The following GPC1 variants were observed in gnomAD, a reference collection of about 807,000 sequenced individuals.
The protein encoded by GPC1 is glypican 1.
A neutral mutation model predicts 51.5 loss-of-function variants in GPC1; 26 were observed. The observed-to-expected ratio is 0.50, with a 90% CI of 0.37 to 0.70. The LOEUF (loss-of-function observed/expected upper bound fraction) is 0.70, where lower values mean the gene tolerates loss of function less well. Ranked by LOEUF, GPC1 falls within the 30% of genes least tolerant of loss-of-function variation. The pLI is 0.00. For missense variants in GPC1, 775 were observed against 800.5 expected (o/e 0.97, Z 0.38); for synonymous variants, 380 against 348.3 (o/e 1.09, Z -1.01).
rs1175505320 is a variant in GPC1 at position 240,465,712 on chromosome 2, G to C, written c.1444+64G>C. ...GTTGGTGGGGGTGCCACAGGGGTGT[G>C]ACTGCCCTCCGGGTTCCCCCACCCG... is the stretch of plus-strand genomic sequence containing the variant. On this transcript the variant is annotated intron_variant, in intron 8 of 8. Coordinates refer to ENST00000264039, the MANE Select transcript of GPC1 (RefSeq NM_002081.3). The C allele has an allele frequency of 2.1e-6, 3 of 1,424,706 alleles. No individual in the cohort carries two copies. In the African/African-American group the frequency reaches 4.2e-5, roughly 20 times the overall value. 88.3% of individuals were successfully genotyped at this position (1,424,706 alleles called of 1,614,324 possible).
chr2:240,437,458 C>G (rs1331234327), intron 1 of GPC1, among the ~76,000 whole-genome samples: 1 of 152,182 alleles, frequency 6.6e-6, no homozygotes, highest in Non-Finnish European at 1.5e-5. Context: ...CCCTCCCCAC[C>G]AGCCTGAGGT....
chr2:240,443,838 T>C (rs1328626728), intron 1 of GPC1, among the ~76,000 whole-genome samples: 1 of 152,196 alleles, frequency 6.6e-6, no homozygotes, highest in Admixed American at 6.5e-5. Context: ...GTGGGCTGAA[T>C]ACCACTTAGT....
At chr2:240,463,803 C>T (rs772742312) in intron 4 of GPC1, 5 of 478,444 alleles carry the variant, frequency 1.0e-5, no homozygotes, top group African/African-American at 3.9e-5. Flanking sequence ...CATGCCAACA[C>T]GTGTGACTCA....
chr2:240,463,331 G>A lies in GPC1; in HGVS notation c.718-16G>A, dbSNP rs1045552425. 1 of 1,611,342 alleles carries A rather than the reference G, an allele frequency of 6.2e-7. No homozygotes were observed. The highest frequency in any genetic ancestry group is 8.5e-7 in the Non-Finnish European group (1 of 1,179,080). On this transcript the variant is annotated splice_polypyrimidine_tract_variant and intron_variant, in intron 3 of 8. Transcript: ENST00000264039. The stretch of plus-strand genomic sequence containing the variant: ...CCAGGGCCTCGGGGCCTGGCTTAGG[G>A]TCCCTTGCTCCCCAGGTCCCCCTGG...
chr2:240,455,315 G>C (rs910094246), intron 1 of GPC1, among the ~76,000 whole-genome samples: 6 of 152,226 alleles, frequency 3.9e-5, no homozygotes, highest in African/African-American at 1.4e-4. Flanking sequence ...CGCTGTGGAA[G>C]GATGGGTCGG....
intron 8 of GPC1, 116 bp downstream of exon 8, chr2:240,465,764 C>T: frequency 1.2e-6 from 1 of 856,056 alleles, no homozygotes; most frequent in South Asian, 1.6e-5. Flanking sequence ...GGCATCACCA[C>T]AGTGAGTCTG....
chr2:240,447,221 CGTA>C lies in GPC1; in HGVS notation c.166+11139_166+11141del, dbSNP rs2074056098. Among the ~76,000 whole-genome samples, 5 of 152,214 alleles carry C rather than the reference CGTA, an allele frequency of 3.3e-5. No homozygotes were observed. The South Asian group carries it at 1.0e-3, about 32-fold the overall frequency. ...GAGGTCTGAGTCGAAATTGAGGTGT[CGTA>C]GATGACCCCCATGTTCGTTCCTCCC... On this transcript the variant is annotated intron_variant, in intron 1 of 8. Transcript: ENST00000264039.
chr2:240,449,780 CT>C (rs1255296729), intron 1 of GPC1: 1 of 463,708 alleles, frequency 2.2e-6, no homozygotes, highest in Admixed American at 2.3e-5. Flanking sequence ...CTCTAGGGAC[CT>C]CACATAAGTC....
chr2:240,444,507 C>T (rs1386222566), intron 1 of GPC1, among the ~76,000 whole-genome samples: 1 of 152,218 alleles, frequency 6.6e-6, no homozygotes, highest in Non-Finnish European at 1.5e-5. Flanking sequence ...AGCACGTCTC[C>T]CTCCTGGGAA....
intron 1 of GPC1, chr2:240,450,393 G>A (rs1444071242): frequency 5.7e-6 from 2 of 348,472 alleles, no homozygotes; most frequent in East Asian, 7.8e-5. Context: ...GGGAGGCGGG[G>A]GATGCTAAGG....
intron 2 of GPC1, among the ~76,000 whole-genome samples, chr2:240,459,870 G>A (rs2074202189): frequency 6.6e-6 from 1 of 152,142 alleles, no homozygotes; most frequent in Admixed American, 6.5e-5. Context: ...AGTGACCTCT[G>A]ATCAGAAACA....
intron 1 of GPC1, among the ~76,000 whole-genome samples, chr2:240,438,048 T>C (rs2073994844): frequency 6.6e-6 from 1 of 152,150 alleles, no homozygotes; most frequent in African/African-American, 2.4e-5. Context: ...TTGATTTCTC[T>C]GTGTCTGATG....
chr2:240,460,170 A>G (rs2151795651), intron 2 of GPC1, among the ~76,000 whole-genome samples: 1 of 152,168 alleles, frequency 6.6e-6, no homozygotes, highest in African/African-American at 2.4e-5. Context: ...GTGGGACCTC[A>G]GCTGTTGGCG....
intron 1 of GPC1, among the ~76,000 whole-genome samples, chr2:240,454,189 G>C (rs1417423903): frequency 6.6e-6 from 1 of 152,190 alleles, no homozygotes. Context: ...TCGCAGGTGG[G>C]GCCAAGGCTG....
chr2:240,463,825 C>T (rs2074237492), intron 4 of GPC1: 1 of 412,830 alleles, frequency 2.4e-6, no homozygotes, highest in African/African-American at 2.0e-5. Context: ...CGAGGACCGG[C>T]ACTTGTTTAA....
At chr2:240,463,635 A>AC in intron 4 of GPC1, 123 bp downstream of exon 4, 1 of 793,036 alleles carries the variant, frequency 1.3e-6, no homozygotes, top group Middle Eastern at 3.4e-4. Context: ...GGATGCCCTG[A>AC]CCCGGGCCAG....
rs2073981392 is a variant in GPC1 at position 240,436,035 on chromosome 2, C to T, written c.117C>T (p.Tyr39=). ...SRSCGEVRQI[Y]GAKGFSLSDV... is the part of the protein sequence containing the mutation. ...GCTGCGGCGAGGTCCGCCAGATCTACGGAGCCAAGGGCTTCAGCCTGAGCG... is the reference window on the plus strand; with the variant it reads ...GCTGCGGCGAGGTCCGCCAGATCTATGGAGCCAAGGGCTTCAGCCTGAGCG... The change falls in exon 1 of 9, where the codon TAC becomes TAT. Residue 39 remains tyrosine, a synonymous_variant. Coordinates refer to ENST00000264039, the MANE Select transcript of GPC1 (RefSeq NM_002081.3). 2 of 1,384,720 alleles carry T rather than the reference C, an allele frequency of 1.4e-6. No homozygotes were observed. Among genetic ancestry groups the T allele is most frequent in the South Asian group, 1.7e-5 (1 of 57,890 alleles). The allele number at this position is 1,384,720 out of a possible 1,614,324, so 85.8% of individuals were successfully genotyped here.
At chr2:240,449,993 A>G (rs2074083114) in intron 1 of GPC1, 3 of 454,968 alleles carry the variant, frequency 6.6e-6, no homozygotes, top group South Asian at 4.7e-5. Flanking sequence ...GCTCTGGTGA[A>G]TAATGCTGTG....
At chr2:240,444,302 G>A (rs1002463570) in intron 1 of GPC1, among the ~76,000 whole-genome samples, 13 of 152,192 alleles carry the variant, frequency 8.5e-5, no homozygotes, top group Admixed American at 3.3e-4. Context: ...GAAGTACAAC[G>A]CTGCTAGGCT....
Sources: allele counts gnomAD v4.1 joint callset (sites outside exome capture counted in the v4.1 genomes callset), GRCh38; gene constraint gnomAD v4.1.1; transcripts MANE v1.5; gene names NCBI Gene and HGNC (gene_info 2026-07-23, HGNC 2026-07-21).